Variants in CNTNAP4 observed in about 807,000 individuals in gnomAD.
The protein encoded by CNTNAP4 is contactin-associated protein-like 4.
In CNTNAP4, 98 loss-of-function variants were observed where a neutral mutation model predicts 148.4. The ratio of observed to expected loss-of-function variants is 0.66; its 90% CI spans 0.56 to 0.78. CNTNAP4 has a LOEUF of 0.78. CNTNAP4 is among the 30% of genes least tolerant of loss of function. The pLI, the probability that CNTNAP4 is intolerant of heterozygous loss-of-function variation, is 0.00. For synonymous variants in CNTNAP4, 730 were observed against 565.1 expected, an observed-to-expected ratio of 1.29 and a Z score of -4.14; for missense variants, 1,935 against 1,565.6, an observed-to-expected ratio of 1.24 and a Z score of -3.98.
chr16:76,294,867 T>C (rs538659838), intron 1 of CNTNAP4, among the ~76,000 whole-genome samples: 36 of 152,346 alleles, frequency 2.4e-4, no homozygotes, highest in African/African-American at 7.9e-4. Flanking sequence ...TTGCTCGCAA[T>C]TGAGAACAGA....
At chr16:76,529,112 C>G (rs932589420) in intron 17 of CNTNAP4, among the ~76,000 whole-genome samples, 5 of 152,186 alleles carry the variant, frequency 3.3e-5, no homozygotes, top group Non-Finnish European at 7.3e-5. Context: ...CCAGATAATT[C>G]CAGCCATCAC....
At chr16:76,415,041 A>G (rs1340429341) in intron 3 of CNTNAP4, among the ~76,000 whole-genome samples, 1 of 151,256 alleles carries the variant, frequency 6.6e-6, no homozygotes, top group African/African-American at 2.4e-5. Context: ...AAGAATATAC[A>G]GAAGTCAAAA....
intron 11 of CNTNAP4, among the ~76,000 whole-genome samples, chr16:76,478,379 C>G (rs1046320509): frequency 5.3e-5 from 8 of 152,316 alleles, no homozygotes; most frequent in African/African-American, 1.4e-4. Context: ...GCTTATATCT[C>G]TATCAGCATG....
chr16:76,303,348 T>G (rs1960174768), intron 1 of CNTNAP4, among the ~76,000 whole-genome samples: 1 of 152,150 alleles, frequency 6.6e-6, no homozygotes, highest in African/African-American at 2.4e-5. Flanking sequence ...GAGATACAAA[T>G]AACAACTCTT....
chr16:76,340,628 C>T (rs1964391515), intron 2 of CNTNAP4, among the ~76,000 whole-genome samples: 2 of 152,158 alleles, frequency 1.3e-5, no homozygotes, highest in Non-Finnish European at 2.9e-5. Context: ...TGTCTTCATT[C>T]AATACATATT....
chr16:76,311,364 G>C (rs989254441), intron 1 of CNTNAP4, among the ~76,000 whole-genome samples: 1 of 151,998 alleles, frequency 6.6e-6, no homozygotes, highest in African/African-American at 2.4e-5. Context: ...ACAATGGTAA[G>C]TTTTTCTGTC....
chr16:76,354,083 G>C (rs2012236665), intron 2 of CNTNAP4, among the ~76,000 whole-genome samples: 2 of 152,106 alleles, frequency 1.3e-5, no homozygotes, highest in South Asian at 4.1e-4. Flanking sequence ...CAAAAGAATG[G>C]GGGAAGAAAA....
chr16:76,553,399 C>A lies in CNTNAP4; in HGVS notation c.3559C>A (p.His1187Asn). ...TCTGAAGGCAGCTCTGCACCCCAGC[C>A]ACCCAGACCCTGTCACTGTTACAGG... The part of the protein sequence containing the change: ...APLKAALHPS[H>N]PDPVTVTGHV... The change falls in exon 22 of 24, where the codon CAC becomes AAC. Residue 1187 changes from histidine to asparagine, a missense_variant. Coordinates refer to ENST00000611870, the MANE Select transcript of CNTNAP4 (RefSeq NM_033401.5). The A allele has an allele frequency of 1.9e-6, 3 of 1,612,600 alleles. No homozygotes were observed. The South Asian group carries it at 3.3e-5, about 18-fold the overall frequency.
chr16:76,385,696 C>A lies in CNTNAP4; in HGVS notation c.390+30185C>A, dbSNP rs146766451. Reference sequence around the variant, plus strand: ...TTAGAGTCCCGTGAGCCTCTGACTGCAATATTTTTGTCCACCCATCAATAC... The same window carrying A: ...TTAGAGTCCCGTGAGCCTCTGACTGAAATATTTTTGTCCACCCATCAATAC... On this transcript the variant is annotated intron_variant, in intron 3 of 23. Transcript: ENST00000611870. 6.4e-4 allele frequency among the ~76,000 whole-genome samples: 97 copies of A among 152,104 alleles called. No homozygotes were observed. The East Asian group carries it at 0.014, about 22-fold the overall frequency.
intron 15 of CNTNAP4, 54 bp from the exon 16 acceptor site, chr16:76,521,086 C>A: frequency 2.8e-6 from 4 of 1,451,692 alleles, no homozygotes; most frequent in South Asian, 1.3e-5. Context: ...CATTTTATTT[C>A]ATGAATTTGT....
chr16:76,358,437 T>G (rs2012985418), intron 3 of CNTNAP4, among the ~76,000 whole-genome samples: 1 of 152,146 alleles, frequency 6.6e-6, no homozygotes, highest in Non-Finnish European at 1.5e-5. Context: ...TAGATACAGA[T>G]TCCTAAGCAT....
rs1568293417 is a variant in CNTNAP4 at position 76,467,474 on chromosome 16, C to T, written c.1606C>T (p.Leu536Phe). ...VDLISVQQGS[L>F]GNFSDLQIDS... ...TCTGATTTCAGTTCAGCAGGGGTCCCTTGGGAACTTCAGTGACCTTCAGAT... is the reference window on the plus strand; with the variant it reads ...TCTGATTTCAGTTCAGCAGGGGTCCTTTGGGAACTTCAGTGACCTTCAGAT... Residue 536 changes from leucine (L) to phenylalanine (F), a missense_variant, in exon 10 of 24, where the codon CTT becomes TTT. By Grantham distance (22) the Leu-to-Phe change is conservative. Transcript: ENST00000611870. The T allele has an allele frequency of 2.5e-6, 4 of 1,613,806 alleles. No homozygotes were observed. The highest frequency in any genetic ancestry group is 3.4e-6 in the Non-Finnish European group (4 of 1,179,830).
chr16:76,355,193 A>C, intron 2 of CNTNAP4, 125 bp from the exon 3 acceptor site: 4 of 529,058 alleles, frequency 7.6e-6, no homozygotes, highest in Non-Finnish European at 1.3e-5. Flanking sequence ...AATTATAAGA[A>C]GTTTCATATT....
At chr16:76,539,926 A>G in intron 20 of CNTNAP4, 74 bp downstream of exon 20, 1 of 1,109,160 alleles carries the variant, frequency 9.0e-7, no homozygotes, top group Non-Finnish European at 1.3e-6. Context: ...CAGAAATTTG[A>G]TAATGAACAC....
intron 9 of CNTNAP4, 117 bp downstream of exon 9, chr16:76,462,222 T>A: frequency 1.0e-6 from 1 of 952,794 alleles, no homozygotes; most frequent in Non-Finnish European, 1.5e-6. Context: ...AATTTTTCAC[T>A]GTCTTTGATC....
chr16:76,318,438 G>C (rs749535136), intron 2 of CNTNAP4, among the ~76,000 whole-genome samples: 1 of 151,542 alleles, frequency 6.6e-6, no homozygotes, highest in Non-Finnish European at 1.5e-5. Context: ...TATGGCTCTT[G>C]GTAAAACACA....
chr16:76,442,020 T>C (rs975065716), intron 4 of CNTNAP4, among the ~76,000 whole-genome samples: 3 of 152,158 alleles, frequency 2.0e-5, no homozygotes, highest in African/African-American at 4.8e-5. Context: ...CCTGTAAATA[T>C]GTTGTGTTAC....
intron 14 of CNTNAP4, among the ~76,000 whole-genome samples, chr16:76,498,273 T>C (rs1241297640): frequency 6.6e-6 from 1 of 152,138 alleles, no homozygotes; most frequent in Non-Finnish European, 1.5e-5. Flanking sequence ...ACATCTGTAA[T>C]CTCAGCTACT....
rs780539526 is a variant in CNTNAP4, at chr16:76,559,625, A to G, written c.*942A>G. Among the ~76,000 whole-genome samples the G allele has an allele frequency of 6.6e-6, 1 of 152,202 alleles. No homozygotes were observed. Among genetic ancestry groups the G allele is most frequent in the Non-Finnish European group, 1.5e-5 (1 of 68,034 alleles). ...AGACTATTTTGCCCAAACCTAGATC[A>G]GTCCTTTATTGGTTTACATTTCTGT... On this transcript the variant is annotated 3_prime_UTR_variant, in exon 24 of 24. Transcript: ENST00000611870.
Sources: gnomAD v4.1 joint callset for allele counts (sites outside exome capture counted in the v4.1 genomes callset) on GRCh38, gnomAD v4.1.1 for gene constraint, MANE v1.5 for transcripts, NCBI Gene and HGNC (gene_info 2026-07-23, HGNC 2026-07-21) for gene names.